ZBTB8A: variants seen among roughly 807,000 people sequenced by gnomAD.
ZBTB8A encodes zinc finger and BTB domain containing 8A, also known as zinc finger and BTB domain-containing protein 8A.
Under a neutral mutation model 37.8 loss-of-function variants are expected in ZBTB8A, and 19 were observed. The ratio of observed to expected loss-of-function variants is 0.50; its 90% CI spans 0.35 to 0.74. ZBTB8A has a LOEUF of 0.74. ZBTB8A is among the 30% of genes least tolerant of loss of function. The pLI is 0.01. For synonymous variants in ZBTB8A, 181 were observed against 185.2 expected (o/e 0.98, Z 0.19); for missense variants, 394 against 537.8 (o/e 0.73, Z 2.65).
chr1:32,542,271 C>T (rs72652139), intron 1 of ZBTB8A, among the ~76,000 whole-genome samples: 17,177 of 150,846 alleles, frequency 0.11, 1,075 homozygotes, highest in African/African-American at 0.18. Context: ...GTTGATCTTC[C>T]CAGCCGAGTG....
chr1:32,565,808 C>T (rs569722724), intron 2 of ZBTB8A, among the ~76,000 whole-genome samples: 3 of 152,176 alleles, frequency 2.0e-5, no homozygotes, highest in South Asian at 4.2e-4. Flanking sequence ...ACATTATGCA[C>T]TGTGCTAGGG....
At position 32,553,508 on chromosome 1, in the gene ZBTB8A, C is replaced by T. The variant is rs1644173964; in HGVS notation, c.-34C>T. On this transcript the variant is annotated 5_prime_UTR_variant, in exon 2 of 5. Coordinates refer to ENST00000373510, the MANE Select transcript of ZBTB8A (RefSeq NM_001040441.3). ...TTGACTTAGAATCTTCCCTTTTTTACTCCATTCAAGAGCAGCATTCATAAA... is the reference window on the plus strand; with the variant it reads ...TTGACTTAGAATCTTCCCTTTTTTATTCCATTCAAGAGCAGCATTCATAAA... The T allele has an allele frequency of 1.3e-5, 2 of 152,170 alleles. No individual in the cohort carries two copies. The highest frequency in any genetic ancestry group is 4.8e-5 in the African/African-American group (2 of 41,440). The allele number at this position is 152,170 out of a possible 1,614,324, so 9.4% of individuals were successfully genotyped here.
chr1:32,574,531 A>T (rs1220707480), intron 2 of ZBTB8A, among the ~76,000 whole-genome samples: 1 of 152,124 alleles, frequency 6.6e-6, no homozygotes, highest in South Asian at 2.1e-4. Context: ...CAGAAGTTTG[A>T]GGTTATAGTG....
At chr1:32,552,915 C>A (rs935789878) in intron 1 of ZBTB8A, among the ~76,000 whole-genome samples, 1 of 147,758 alleles carries the variant, frequency 6.8e-6, no homozygotes, top group African/African-American at 2.5e-5. Flanking sequence ...TATTTTAAAT[C>A]ATATATTACA....
chr1:32,569,628 G>C (rs925057179), intron 2 of ZBTB8A, among the ~76,000 whole-genome samples: 2 of 151,714 alleles, frequency 1.3e-5, no homozygotes, highest in Admixed American at 1.3e-4. Context: ...TCCTGACTTC[G>C]TGATCCACCC....
chr1:32,581,603 C>G (rs776871963), intron 2 of ZBTB8A, among the ~76,000 whole-genome samples: 1 of 151,850 alleles, frequency 6.6e-6, no homozygotes, highest in African/African-American at 2.4e-5. Flanking sequence ...CCACCCGCCT[C>G]GGCCTCCCAA....
chr1:32,588,977 C>CT (rs1177605660), intron 2 of ZBTB8A, among the ~76,000 whole-genome samples: 1 of 151,278 alleles, frequency 6.6e-6, no homozygotes, highest in Non-Finnish European at 1.5e-5. Context: ...GAGTGAGACT[C>CT]TATCTCAAAA....
rs1644586166 is a variant in ZBTB8A, at chr1:32,602,674, C to T, written c.*2255C>T. 6.6e-6 allele frequency: 1 copy of T among 152,024 alleles called. No homozygotes were observed. The highest frequency in any genetic ancestry group is 2.1e-4 in the South Asian group (1 of 4,804). The allele number at this position is 152,024 out of a possible 1,614,324, so 9.4% of individuals were successfully genotyped here. A position where few individuals can be genotyped will look rare whatever the true frequency, so the allele number is the denominator to read the frequency against. ...CTCGCCATTCTCCTGCCTCAGCCTC[C>T]CGAGTAGCTGGGACTTACAGGCGCC... On this transcript the variant is annotated 3_prime_UTR_variant, in exon 5 of 5. Transcript: ENST00000373510.
rs539449037 is a variant in ZBTB8A at position 32,576,700 on chromosome 1, A to G, written c.-1-16231A>G. On this transcript the variant is annotated intron_variant, in intron 2 of 4. Coordinates refer to ENST00000373510, the MANE Select transcript of ZBTB8A (RefSeq NM_001040441.3). The stretch of plus-strand genomic sequence containing the variant: ...TGCCTCGGCCTCCCAAAGTGCTGGG[A>G]TTACAGGCCTGAGCCACCACGCCCA... 2.0e-5 allele frequency among the ~76,000 whole-genome samples: 3 copies of G among 152,092 alleles called. No individual in the cohort carries two copies. In the East Asian group the frequency reaches 5.8e-4, roughly 29 times the overall value.
At chr1:32,548,138 A>T (rs1460558963) in intron 1 of ZBTB8A, among the ~76,000 whole-genome samples, 8 of 97,898 alleles carry the variant, frequency 8.2e-5, no homozygotes. Context: ...GTCTCAAATT[A>T]AAAAAAAAAA....
At chr1:32,546,811 C>T (rs561598774) in intron 1 of ZBTB8A, among the ~76,000 whole-genome samples, 2 of 152,300 alleles carry the variant, frequency 1.3e-5, no homozygotes, top group African/African-American at 4.8e-5. Context: ...TAGCGGATGC[C>T]TTATATCACC....
chr1:32,553,013 A>T (rs1015577395), intron 1 of ZBTB8A, among the ~76,000 whole-genome samples: 1 of 150,784 alleles, frequency 6.6e-6, no homozygotes, highest in African/African-American at 2.4e-5. Context: ...TTTGTGCCAG[A>T]TCATCTATTT....
intron 2 of ZBTB8A, among the ~76,000 whole-genome samples, chr1:32,562,121 G>A (rs868844093): frequency 7.7e-6 from 1 of 129,908 alleles, no homozygotes; most frequent in Admixed American, 7.8e-5. Context: ...ATTTTTGTTT[G>A]TTTTTTTTTT....
chr1:32,547,794 G>GA (rs1231926325), intron 1 of ZBTB8A, among the ~76,000 whole-genome samples: 1 of 85,430 alleles, frequency 1.2e-5, no homozygotes, highest in Non-Finnish European at 2.2e-5. Context: ...GAGCAACAGA[G>GA]AAAGATTCTG....
At chr1:32,542,663 C>A (rs1050118418) in intron 1 of ZBTB8A, among the ~76,000 whole-genome samples, 1 of 152,214 alleles carries the variant, frequency 6.6e-6, no homozygotes, top group African/African-American at 2.4e-5. Flanking sequence ...AAATACATGT[C>A]ATTGGCTTCT....
intron 2 of ZBTB8A, among the ~76,000 whole-genome samples, chr1:32,566,053 T>G (rs1181139198): frequency 6.6e-6 from 1 of 151,738 alleles, no homozygotes. Context: ...TACAAAAAAA[T>G]TAGCCAGGCG....
rs1290509107 is a variant in ZBTB8A at position 32,539,542 on chromosome 1, C to T, written c.-114C>T. 6.6e-6 allele frequency: 1 copy of T among 150,678 alleles called. No homozygotes were observed. The highest frequency in any genetic ancestry group is 1.5e-5 in the Non-Finnish European group (1 of 67,532). 9.3% of individuals were successfully genotyped at this position (150,678 alleles called of 1,614,324 possible). A position where few individuals can be genotyped will look rare whatever the true frequency, so the allele number is the denominator to read the frequency against. ...ACCAGGAATCTTCCCTCGGCCCGCG[C>T]GCGCGACCGGCCGGTGCGCCGCGGC... On this transcript the variant is annotated 5_prime_UTR_variant, in exon 1 of 5. Transcript: ENST00000373510.
chr1:32,596,526 A>G (rs2148253355), intron 4 of ZBTB8A, among the ~76,000 whole-genome samples: 1 of 152,268 alleles, frequency 6.6e-6, no homozygotes, highest in East Asian at 1.9e-4. Context: ...GGTTACAGTG[A>G]GCTGAGATCG....
At position 32,602,567 on chromosome 1, in the gene ZBTB8A, T is replaced by TC. The variant is rs895679762; in HGVS notation, c.*2149dup. 1 of 152,148 alleles carries TC rather than the reference T, an allele frequency of 6.6e-6. No homozygotes were observed. The highest frequency in any genetic ancestry group is 2.4e-5 in the African/African-American group (1 of 41,414). The allele number at this position is 152,148 out of a possible 1,614,324, so 9.4% of individuals were successfully genotyped here. A position where few individuals can be genotyped will look rare whatever the true frequency, so the allele number is the denominator to read the frequency against. On this transcript the variant is annotated 3_prime_UTR_variant, in exon 5 of 5. Coordinates refer to ENST00000373510, the MANE Select transcript of ZBTB8A (RefSeq NM_001040441.3). ...TTTCTTTTTTGTTTTTGTTTTTTTT[T>TC]CGAGACGGAGTCTCGCTCTGTCGCC...
Sources: gnomAD v4.1 joint callset for allele counts (sites outside exome capture counted in the v4.1 genomes callset) on GRCh38, gnomAD v4.1.1 for gene constraint, MANE v1.5 for transcripts, NCBI Gene and HGNC (gene_info 2026-07-23, HGNC 2026-07-21) for gene names.